Variants in TMEM132C observed in about 807,000 individuals in gnomAD.
TMEM132C encodes the protein protein phosphatase 1, regulatory subunit 152.
TMEM132C carries 29 observed loss-of-function variants against 61.4 expected under a neutral mutation model. The observed-to-expected ratio is 0.47, with a 90% CI of 0.35 to 0.64. The LOEUF is 0.64. TMEM132C is among the 30% of genes least tolerant of loss of function. TMEM132C has a pLI of 0.00. For synonymous variants in TMEM132C, 656 were observed against 633.1 expected (o/e 1.04, Z -0.54); for missense variants, 1,408 against 1,476.9 (o/e 0.95, Z 0.76).
chr12:128,267,475 C>A lies in TMEM132C; in HGVS notation c.73C>A (p.Leu25Met). 1 of 1,268,696 alleles carries A rather than the reference C, an allele frequency of 7.9e-7. No homozygotes were observed. Among genetic ancestry groups the A allele is most frequent in the Non-Finnish European group, 9.9e-7 (1 of 1,009,580 alleles). 78.6% of individuals were successfully genotyped at this position (1,268,696 alleles called of 1,614,324 possible). ...CGALSLLLGALLGKVIEGHGV... is the reference protein window; with the variant it reads ...CGALSLLLGAMLGKVIEGHGV... The stretch of plus-strand genomic sequence containing the variant: ...GGCGCTGAGCCTGCTGCTGGGCGCG[C>A]TGCTGGGCAAAGGTAAGGCCGGGGC... Residue 25 changes from leucine (L) to methionine (M), a missense_variant, in exon 1 of 9, where the codon CTG becomes ATG. Physicochemically the swap from Leu to Met is conservative, Grantham distance 15 (BLOSUM62 2). Coordinates refer to ENST00000435159, the MANE Select transcript of TMEM132C (RefSeq NM_001136103.3).
chr12:128,360,127 G>A (rs959886260), intron 1 of TMEM132C, among the ~76,000 whole-genome samples: 10 of 152,074 alleles, frequency 6.6e-5, no homozygotes, highest in East Asian at 1.9e-4. Flanking sequence ...CAACAATAAC[G>A]AAACCAACAT....
intron 1 of TMEM132C, among the ~76,000 whole-genome samples, chr12:128,413,076 A>G (rs1209555828): frequency 6.6e-6 from 1 of 152,068 alleles, no homozygotes; most frequent in Non-Finnish European, 1.5e-5. Flanking sequence ...AGGCAGGTGG[A>G]TCATGAGGTC....
intron 1 of TMEM132C, among the ~76,000 whole-genome samples, chr12:128,368,444 C>T (rs1873934376): frequency 6.6e-6 from 1 of 152,198 alleles, no homozygotes; most frequent in African/African-American, 2.4e-5. Flanking sequence ...CTTCGTTTCT[C>T]CCTTCCTAAA....
Position 128,697,429 on chromosome 12 carries a change from T to C in TMEM132C, c.2121+14T>C, listed in dbSNP as rs546821353. ...ACCCCCAAACAGGTAGGGGGCCAAA[T>C]GCCAGAGGTTCAGAGGGAGCAGGGT... On this transcript the variant is annotated intron_variant, in intron 8 of 8. Transcript: ENST00000435159. The C allele has an allele frequency of 2.1e-4, 324 of 1,523,696 alleles. 7 individuals are homozygous for C. The South Asian group carries it at 3.7e-3, about 18-fold the overall frequency. The allele number at this position is 1,523,696 out of a possible 1,614,324, so 94.4% of individuals were successfully genotyped here.
intron 1 of TMEM132C, among the ~76,000 whole-genome samples, chr12:128,302,140 C>T (rs113592268): frequency 2.6e-5 from 4 of 152,124 alleles, no homozygotes; most frequent in South Asian, 2.1e-4. Context: ...TAAAGTCTGT[C>T]GAGTGTGTCA....
intron 2 of TMEM132C, among the ~76,000 whole-genome samples, chr12:128,502,997 A>G (rs1460688844): frequency 6.6e-6 from 1 of 152,240 alleles, no homozygotes; most frequent in Non-Finnish European, 1.5e-5. Flanking sequence ...AGGCTGGGAT[A>G]ATAGCTGTGC....
chr12:128,447,583 C>T (rs1324232949), intron 2 of TMEM132C, among the ~76,000 whole-genome samples: 1 of 152,106 alleles, frequency 6.6e-6, no homozygotes, highest in Non-Finnish European at 1.5e-5. Flanking sequence ...GTAAATACTC[C>T]CACTATGATT....
chr12:128,430,066 TCTC>T (rs954727234), intron 2 of TMEM132C, among the ~76,000 whole-genome samples: 4 of 152,160 alleles, frequency 2.6e-5, no homozygotes, highest in African/African-American at 9.7e-5. Flanking sequence ...TCGGCCTCCT[TCTC>T]AGTAACCCAG....
intron 1 of TMEM132C, among the ~76,000 whole-genome samples, chr12:128,356,998 T>A (rs1339609558): frequency 1.3e-5 from 2 of 152,142 alleles, no homozygotes; most frequent in Admixed American, 6.5e-5. Context: ...CTCACACACA[T>A]ACACACACAG....
At chr12:128,618,460 G>C (rs1184625566) in intron 4 of TMEM132C, among the ~76,000 whole-genome samples, 1 of 152,162 alleles carries the variant, frequency 6.6e-6, no homozygotes, top group Non-Finnish European at 1.5e-5. Context: ...CACCAGCACA[G>C]AGCTCTGGGC....
intron 2 of TMEM132C, among the ~76,000 whole-genome samples, chr12:128,525,463 C>T (rs7306842): frequency 0.94 from 143,756 of 152,144 alleles, 68,379 homozygotes; most frequent in East Asian, 1. Flanking sequence ...TCCATACATC[C>T]TGTTCTTTGG....
chr12:128,395,125 T>A (rs1408298738), intron 1 of TMEM132C, among the ~76,000 whole-genome samples: 1 of 151,306 alleles, frequency 6.6e-6, no homozygotes, highest in Admixed American at 6.6e-5. Context: ...TTCTTGTTAT[T>A]GTAACATAAT....
intron 3 of TMEM132C, among the ~76,000 whole-genome samples, chr12:128,613,877 A>G (rs1255487619): frequency 1.3e-5 from 2 of 152,258 alleles, no homozygotes; most frequent in Non-Finnish European, 2.9e-5. Context: ...ATGTTGGCAC[A>G]TGCTTGAGAT....
intron 2 of TMEM132C, among the ~76,000 whole-genome samples, chr12:128,500,826 GAT>G (rs150458369): frequency 1.3e-5 from 2 of 150,746 alleles, no homozygotes; most frequent in Non-Finnish European, 3.0e-5. Context: ...TCTACTCCCA[GAT>G]ATATATATAT....
chr12:128,509,916 G>A (rs2136117148), intron 2 of TMEM132C, among the ~76,000 whole-genome samples: 1 of 152,326 alleles, frequency 6.6e-6, no homozygotes, highest in South Asian at 2.1e-4. Flanking sequence ...CAAACTAAAT[G>A]CTAATCCTAC....
chr12:128,340,716 T>TCTTCCTTC (rs201786533), intron 1 of TMEM132C, among the ~76,000 whole-genome samples: 19 of 151,558 alleles, frequency 1.3e-4, no homozygotes, highest in East Asian at 3.9e-4. Flanking sequence ...TCTTTCTCTT[T>TCTTCCTTC]CTTCCTTCCT....
rs904240747 is a variant in TMEM132C, at chr12:128,267,222, G to A, written c.-181G>A. ...CAGCGGCGGAGCCGGAGCCGCCAGAGCCAGAGCCGGAGCTGCGGCGGCGTG... is the reference window on the plus strand; with the variant it reads ...CAGCGGCGGAGCCGGAGCCGCCAGAACCAGAGCCGGAGCTGCGGCGGCGTG... On this transcript the variant is annotated 5_prime_UTR_variant, in exon 1 of 9. Transcript: ENST00000435159. Among the ~76,000 whole-genome samples the A allele has an allele frequency of 3.4e-5, 5 of 147,126 alleles. No individual in the cohort carries two copies. Among genetic ancestry groups the A allele is most frequent in the South Asian group, 2.1e-4 (1 of 4,824 alleles).
At chr12:128,349,170 A>T (rs2135961047) in intron 1 of TMEM132C, among the ~76,000 whole-genome samples, 1 of 152,174 alleles carries the variant, frequency 6.6e-6, no homozygotes, top group South Asian at 2.1e-4. Context: ...CACCCAGCTG[A>T]TTTTTGTATT....
At chr12:128,597,146 G>T (rs997025758) in intron 3 of TMEM132C, among the ~76,000 whole-genome samples, 2 of 152,138 alleles carry the variant, frequency 1.3e-5, no homozygotes, top group Non-Finnish European at 2.9e-5. Context: ...AAGTTTATAG[G>T]AGCGTTGGTT....
Sources: allele counts gnomAD v4.1 joint callset (sites outside exome capture counted in the v4.1 genomes callset), GRCh38; gene constraint gnomAD v4.1.1; transcripts MANE v1.5; gene names NCBI Gene and HGNC (gene_info 2026-07-23, HGNC 2026-07-21).